RBFOX1: variants seen among roughly 807,000 people sequenced by gnomAD.
RBFOX1 encodes RNA binding fox-1 homolog 1, also known as RNA binding protein fox-1 homolog 1.
Under a neutral mutation model 57.7 loss-of-function variants are expected in RBFOX1, and 8 were observed. The ratio of observed to expected loss-of-function variants is 0.14; its 90% confidence interval spans 0.08 to 0.25. The LOEUF (loss-of-function observed/expected upper bound fraction) is 0.25, where lower values mean the gene tolerates loss of function less well. Ranked by LOEUF, RBFOX1 falls within the 10% of genes least tolerant of loss-of-function variation. The pLI is 1.00. For missense variants in RBFOX1, 611 were observed against 548.5 expected (o/e 1.11, Z -1.14); for synonymous variants, 326 against 222.4 (o/e 1.47, Z -4.15).
chr16:7,362,090 C>T (rs1394628201), intron 4 of RBFOX1, among the ~76,000 whole-genome samples: 1 of 147,272 alleles, frequency 6.8e-6, no homozygotes, highest in Non-Finnish European at 1.5e-5. Context: ...TGTTAGTTTG[C>T]ATATGTGTGT....
chr16:6,043,746 G>A (rs1410112414), intron 1 of RBFOX1, among the ~76,000 whole-genome samples: 1 of 152,110 alleles, frequency 6.6e-6, no homozygotes, highest in Admixed American at 6.5e-5. Context: ...GAACTCCAGG[G>A]GCTCTTCTGC....
intron 3 of RBFOX1, among the ~76,000 whole-genome samples, chr16:6,906,504 G>A (rs2069991456): frequency 1.3e-5 from 2 of 152,082 alleles, no homozygotes; most frequent in Admixed American, 6.6e-5. Flanking sequence ...AAAAAAGTGA[G>A]TTTATATAAC....
chr16:7,171,243 G>A (rs1453856671), intron 4 of RBFOX1, among the ~76,000 whole-genome samples: 2 of 152,116 alleles, frequency 1.3e-5, no homozygotes, highest in Admixed American at 6.5e-5. Flanking sequence ...TATGCTCTTA[G>A]GAAAGCAGCT....
At chr16:5,841,374 A>G (rs1011731873) in intron 3 of RBFOX1, among the ~76,000 whole-genome samples, 1 of 152,142 alleles carries the variant, frequency 6.6e-6, no homozygotes, top group South Asian at 2.1e-4. Flanking sequence ...CAAACTGCCG[A>G]TCATCCATCT....
chr16:6,956,157 G>T (rs72774230), intron 3 of RBFOX1, among the ~76,000 whole-genome samples: 22,543 of 152,126 alleles, frequency 0.15, 1,975 homozygotes, highest in Non-Finnish European at 0.19. Context: ...TGCTAAGTCT[G>T]GGAAAAGATG....
chr16:6,269,082 A>G (rs929883170), intron 1 of RBFOX1, among the ~76,000 whole-genome samples: 10 of 152,186 alleles, frequency 6.6e-5, no homozygotes, highest in Admixed American at 3.3e-4. Context: ...ACCTAACATA[A>G]TATAAATGCT....
Position 6,410,168 on chromosome 16 carries a change from CTGTGTGTG to C in RBFOX1, c.-64+93140_-64+93147del, listed in dbSNP as rs3066618. ...GTTTAGAGTTTTAAGCATCATAAGGCTGTGTGTGTGTGTGTGTGTGTGTGTGTGTGTGT... is the reference window on the plus strand; with the variant it reads ...GTTTAGAGTTTTAAGCATCATAAGGCTGTGTGTGTGTGTGTGTGTGTGTGT... On this transcript the variant is annotated intron_variant, in intron 2 of 15. Coordinates refer to ENST00000550418, the MANE Select transcript of RBFOX1 (RefSeq NM_018723.4). Among the ~76,000 whole-genome samples the C allele has an allele frequency of 8.2e-3, 1,208 of 147,010 alleles. 9 individuals carry two copies. The highest frequency in any genetic ancestry group is 0.022 in the African/African-American group (876 of 39,258).
Position 7,215,334 on chromosome 16 carries a change from TTATA to T in RBFOX1, c.27+163237_27+163240del, listed in dbSNP as rs2091858719. On this transcript the variant is annotated intron_variant, in intron 4 of 15. Coordinates refer to ENST00000550418, the MANE Select transcript of RBFOX1 (RefSeq NM_018723.4). ...CATTACTGGGTATATACTCAAAGTA[TTATA>T]AATCATTCTTCTATAAAGACACCTG... 3.3e-5 allele frequency among the ~76,000 whole-genome samples: 5 copies of T among 152,208 alleles called. No individual in the cohort carries two copies. The South Asian group carries it at 1.0e-3, about 31-fold the overall frequency.
chr16:7,472,013 A>G (rs971635105), intron 4 of RBFOX1, among the ~76,000 whole-genome samples: 1 of 152,224 alleles, frequency 6.6e-6, no homozygotes, highest in Non-Finnish European at 1.5e-5. Flanking sequence ...GTAGTGGAAC[A>G]ATTGGTGAAC....
chr16:5,454,818 CCTTTCTTTCCTTG>C (rs1597131408), intron 1 of RBFOX1, among the ~76,000 whole-genome samples: 2 of 107,520 alleles, frequency 1.9e-5, no homozygotes. Context: ...CCTTTCCTTT[CCTTTCTTTCCTTG>C]CTTTCTTTCC....
chr16:7,469,624 C>T (rs186336274), intron 4 of RBFOX1, among the ~76,000 whole-genome samples: 8 of 152,272 alleles, frequency 5.3e-5, no homozygotes, highest in Admixed American at 2.6e-4. Flanking sequence ...ACCCACACTC[C>T]GTTTCCTCTC....
At chr16:7,510,497 G>GTGTGTT (rs2074749789) in intron 4 of RBFOX1, among the ~76,000 whole-genome samples, 2 of 151,136 alleles carry the variant, frequency 1.3e-5, no homozygotes, top group South Asian at 4.2e-4. Context: ...CTGTGTGTGT[G>GTGTGTT]TGTGTGTGTG....
chr16:6,418,854 C>A lies in RBFOX1; in HGVS notation c.-64+101797C>A, dbSNP rs566138583. 5.3e-5 allele frequency among the ~76,000 whole-genome samples: 8 copies of A among 152,226 alleles called. No individual in the cohort carries two copies. In the East Asian group the frequency reaches 7.8e-4, roughly 15 times the overall value. The stretch of plus-strand genomic sequence containing the variant: ...CTTCATGCAAGTTTGATATGCTTTT[C>A]CTTCACTGGGGCTTTCTCCCTGAGT... On this transcript the variant is annotated intron_variant, in intron 2 of 15. Coordinates refer to ENST00000550418, the MANE Select transcript of RBFOX1 (RefSeq NM_018723.4).
intron 3 of RBFOX1, among the ~76,000 whole-genome samples, chr16:5,831,811 C>T (rs886831814): frequency 6.6e-6 from 1 of 152,130 alleles, no homozygotes; most frequent in African/African-American, 2.4e-5. Context: ...ATACTGTCTT[C>T]ACTATATAGT....
intron 2 of RBFOX1, among the ~76,000 whole-genome samples, chr16:6,466,933 AG>A (rs2153073708): frequency 6.6e-6 from 1 of 152,142 alleles, no homozygotes; most frequent in East Asian, 1.9e-4. Flanking sequence ...TAAATGCAGC[AG>A]ATTTAATCCT....
chr16:6,042,425 C>T (rs1199827106), intron 1 of RBFOX1, among the ~76,000 whole-genome samples: 3 of 152,152 alleles, frequency 2.0e-5, no homozygotes, highest in African/African-American at 4.8e-5. Context: ...TAAGGTTCTC[C>T]GTGATTATAC....
chr16:7,594,449 G>C (rs2094589617), intron 7 of RBFOX1, among the ~76,000 whole-genome samples: 6 of 152,130 alleles, frequency 3.9e-5, no homozygotes, highest in Admixed American at 3.9e-4. Context: ...CGAAAGGTTG[G>C]TGTATATTTC....
chr16:6,600,858 C>G (rs1175765165), intron 2 of RBFOX1, among the ~76,000 whole-genome samples: 2 of 152,142 alleles, frequency 1.3e-5, no homozygotes, highest in East Asian at 1.9e-4. Context: ...AAATGCTGCC[C>G]TTGTGAATTA....
Position 7,449,749 on chromosome 16 carries a change from GT to G in RBFOX1, c.28-68394del, listed in dbSNP as rs369991488. 3.5e-3 allele frequency among the ~76,000 whole-genome samples: 479 copies of G among 138,432 alleles called. 3 individuals carry two copies. Among genetic ancestry groups the G allele is most frequent in the African/African-American group, 0.011 (430 of 37,434 alleles). 90.8% of individuals were successfully genotyped at this position (138,432 alleles called of 152,430 possible). On this transcript the variant is annotated intron_variant, in intron 4 of 15. Coordinates refer to ENST00000550418, the MANE Select transcript of RBFOX1 (RefSeq NM_018723.4). Reference sequence around the variant, plus strand: ...GTGTGTGGGGGGGGGGGGTTGTTTTGTTTTGTTTTTGTTTTTGTTTTTTTCA... The same window carrying G: ...GTGTGTGGGGGGGGGGGGTTGTTTTGTTTGTTTTTGTTTTTGTTTTTTTCA...
Sources: gnomAD v4.1 joint callset for allele counts (sites outside exome capture counted in the v4.1 genomes callset) on GRCh38, gnomAD v4.1.1 for gene constraint, MANE v1.5 for transcripts, NCBI Gene and HGNC (gene_info 2026-07-23, HGNC 2026-07-21) for gene names.